The following ZNF534 variants were observed in gnomAD, a reference collection of about 807,000 sequenced individuals.
ZNF534 encodes KRAB domain only 3.
In ZNF534, 19 loss-of-function variants were observed where a neutral mutation model predicts 13.6. The observed-to-expected ratio is 1.40, with a 90% CI of 0.97 to 2.05. The LOEUF is 2.05. Among genes scored for constraint, ZNF534 ranks in the 30% most tolerant of loss-of-function variants. ZNF534 has a pLI of 0.00. For synonymous variants in ZNF534, 244 were observed against 273.8 expected, an observed-to-expected ratio of 0.89 and a Z score of 1.07; for missense variants, 782 against 796.3, an observed-to-expected ratio of 0.98 and a Z score of 0.22.
Position 52,435,084 on chromosome 19 carries a change from T to G in ZNF534, c.146T>G (p.Ile49Ser), listed in dbSNP as rs2059119773. 1 of 1,611,320 alleles carries G rather than the reference T, an allele frequency of 6.2e-7. No individual in the cohort carries two copies. The highest frequency in any genetic ancestry group is 8.5e-7 in the Non-Finnish European group (1 of 1,178,750). The part of the protein sequence containing the change: ...ENYRNLVSLG[I>S]CLPDLSVTSM... ...TATTCTTTCTTTTTGTAAGTAGGAA[T>G]CTGTCTTCCTGACCTGAGTGTTACC... The change falls in exon 4 of 5, where the codon ATC becomes AGC. Residue 49 changes from isoleucine (I) to serine (S), a missense_variant. Physicochemically the swap from Ile to Ser is moderately radical, Grantham distance 142 (BLOSUM62 -2). This residue lies in a region of ZNF534 where 81 missense variants were observed against 63.5 expected (regional missense o/e 1.28). Transcript: ENST00000433050.
At chr19:52,449,072 G>T (rs925116830) in intron 4 of ZNF534, among the ~76,000 whole-genome samples, 2 of 151,992 alleles carry the variant, frequency 1.3e-5, no homozygotes, top group Admixed American at 6.6e-5. Context: ...AACTTTTTTA[G>T]CTCCCACATA....
Position 52,441,620 on chromosome 19 carries a change from C to T in ZNF534, c.*2174C>T, listed in dbSNP as rs992501360. ...AGCCTTACAAATGCAGCGAATGTGA[C>T]AAAGCATTTAGATAATGTTCAGGCT... On this transcript the variant is annotated 3_prime_UTR_variant, in exon 5 of 5. Transcript: ENST00000433050. 6.6e-6 allele frequency among the ~76,000 whole-genome samples: 1 copy of T among 152,172 alleles called. No individual in the cohort carries two copies. The highest frequency in any genetic ancestry group is 2.4e-5 in the African/African-American group (1 of 41,448).
At chr19:52,434,623 C>G (rs375454771) in intron 3 of ZNF534, among the ~76,000 whole-genome samples, 2 of 150,914 alleles carry the variant, frequency 1.3e-5, no homozygotes, top group Non-Finnish European at 2.9e-5. Context: ...CCCAGCTACT[C>G]GGGAGACTGA....
chr19:52,451,255 G>A (rs1283940351), exon 5 of ZNF534: 1 of 836,858 alleles, frequency 1.2e-6, no homozygotes, highest in Non-Finnish European at 2.0e-6. Context: ...CGGAGGTGCT[G>A]AGGAGCCAAC....
At chr19:52,446,202 A>G (rs2059193855), downstream of ZNF534, among the ~76,000 whole-genome samples, 1 of 152,142 alleles carries the variant, frequency 6.6e-6, no homozygotes, top group African/African-American at 2.4e-5. Flanking sequence ...AATAACAGAA[A>G]AAGTCATCCC....
In ZNF534 at chr19:52,438,694, T is replaced by A; in HGVS notation, c.1234T>A (p.Cys412Ser). 1 of 1,581,960 alleles carries A rather than the reference T, an allele frequency of 6.3e-7. No individual in the cohort carries two copies. The highest frequency in any genetic ancestry group is 8.6e-7 in the Non-Finnish European group (1 of 1,163,058). ...KIHTGGRRYK[C>S]NECGKAFRTC... ...TCATACTGGGGGGAGGCGTTACAAA[T>A]GTAATGAATGTGGCAAAGCATTTAG... is the stretch of plus-strand genomic sequence containing the variant. The change falls in exon 5 of 5, where the codon TGT becomes AGT. Residue 412 changes from cysteine (C) to serine (S), a missense_variant. By Grantham distance (112) the Cys-to-Ser change is moderately radical. This residue lies in a region of ZNF534 where 591 missense variants were observed against 574.0 expected (regional missense o/e 1.03). Transcript: ENST00000433050.
chr19:52,433,311 C>G (rs913718580), intron 2 of ZNF534, among the ~76,000 whole-genome samples: 1 of 149,006 alleles, frequency 6.7e-6, no homozygotes, highest in Admixed American at 6.7e-5. Context: ...ACTTGTATCT[C>G]AGGTAGATAC....
Position 52,440,643 on chromosome 19 carries a change from T to G in ZNF534, c.*1197T>G, listed in dbSNP as rs2122707560. On this transcript the variant is annotated 3_prime_UTR_variant, in exon 5 of 5. Coordinates refer to ENST00000433050, the MANE Select transcript of ZNF534 (RefSeq NM_001143938.3). Reference sequence around the variant, plus strand: ...TAAAAATAAAAAAAATAGCTGGGTGTGGTGGTGGGTGTCTGTAATCCCAGC... The same window carrying G: ...TAAAAATAAAAAAAATAGCTGGGTGGGGTGGTGGGTGTCTGTAATCCCAGC... 6.7e-6 allele frequency among the ~76,000 whole-genome samples: 1 copy of G among 149,940 alleles called. No individual in the cohort carries two copies. Among genetic ancestry groups the G allele is most frequent in the South Asian group, 2.1e-4 (1 of 4,676 alleles).
downstream of ZNF534, among the ~76,000 whole-genome samples, chr19:52,445,975 G>A (rs1475468742): frequency 6.6e-6 from 1 of 152,092 alleles, no homozygotes; most frequent in Non-Finnish European, 1.5e-5. Context: ...ACAAAATTTT[G>A]TGACATGAAA....
intron 1 of ZNF534, among the ~76,000 whole-genome samples, chr19:52,429,475 T>A (rs2059072109): frequency 6.9e-6 from 1 of 145,146 alleles, no homozygotes; most frequent in Admixed American, 6.7e-5. Context: ...GGCACTTTGC[T>A]ATTTTTTTTT....
exon 5 of ZNF534, chr19:52,451,267 G>A (rs778432926): frequency 2.2e-6 from 2 of 928,586 alleles, no homozygotes; most frequent in Non-Finnish European, 3.5e-6. Flanking sequence ...GGAGCCAACC[G>A]GCCCAAACTT....
downstream of ZNF534, among the ~76,000 whole-genome samples, chr19:52,445,582 T>C (rs916832765): frequency 6.6e-6 from 1 of 152,194 alleles, no homozygotes; most frequent in Non-Finnish European, 1.5e-5. Flanking sequence ...TGACGGTTTG[T>C]GTTCTTGGCA....
At chr19:52,451,257 G>C (rs1445665485) in exon 5 of ZNF534, 1 of 845,020 alleles carries the variant, frequency 1.2e-6, no homozygotes, top group Non-Finnish European at 2.0e-6. Context: ...GAGGTGCTGA[G>C]GAGCCAACCG....
chr19:52,438,878 A>G lies in ZNF534; in HGVS notation c.1418A>G (p.Lys473Arg), dbSNP rs772999709. 107 of 1,597,058 alleles carry G rather than the reference A, an allele frequency of 6.7e-5. 1 individual carries two copies. The Admixed American group carries it at 1.7e-3, about 25-fold the overall frequency. The change falls in exon 5 of 5, where the codon AAG (lysine) becomes AGG (arginine). Residue 473 changes from lysine (K) to arginine (R), a missense_variant. Physicochemically the swap from Lys to Arg is conservative, Grantham distance 26. Around this residue, in one of 5 missense-constraint regions of ZNF534, gnomAD observed 591 missense variants for 574.0 expected, o/e 1.03. Transcript: ENST00000433050. ...CCTTACAAATGTAACGAATGTGGCA[A>G]GGTCTTCAGTCAGAATTCAAACCTT... Reference protein sequence around the residue: ...EKPYKCNECGKVFSQNSNLQR... With the variant: ...EKPYKCNECGRVFSQNSNLQR...
chr19:52,430,517 C>T (rs1368797158), intron 1 of ZNF534, among the ~76,000 whole-genome samples: 1 of 151,802 alleles, frequency 6.6e-6, no homozygotes, highest in South Asian at 2.1e-4. Context: ...GGCCTGTGCT[C>T]TGCATGAGCT....
downstream of ZNF534, among the ~76,000 whole-genome samples, chr19:52,446,826 C>A (rs2059196201): frequency 6.6e-6 from 1 of 152,162 alleles, no homozygotes; most frequent in African/African-American, 2.4e-5. Flanking sequence ...CCATTGTACT[C>A]CAGACTGGGT....
At chr19:52,442,901 ATTC>A (rs1490488002), downstream of ZNF534, among the ~76,000 whole-genome samples, 7 of 152,214 alleles carry the variant, frequency 4.6e-5, no homozygotes, top group African/African-American at 1.7e-4. Flanking sequence ...AGTCACGCTT[ATTC>A]TTTTCTTGAG....
chr19:52,439,321 C>T lies in ZNF534; in HGVS notation c.1861C>T (p.Leu621Phe). ...CAAGGTCTTCAGTCGGAATTCACGC[C>T]TTGCACAACATAGGAATATTCATAC... ...CSKVFSRNSR[L>F]AQHRNIHTGV... The change falls in exon 5 of 5, where the codon CTT becomes TTT. Residue 621 changes from leucine (L) to phenylalanine (F), a missense_variant. Transcript: ENST00000433050. The T allele has an allele frequency of 6.4e-7, 1 of 1,555,230 alleles. No homozygotes were observed. The highest frequency in any genetic ancestry group is 8.7e-7 in the Non-Finnish European group (1 of 1,149,004).
intron 4 of ZNF534, among the ~76,000 whole-genome samples, chr19:52,436,114 A>G (rs2122683205): frequency 6.6e-6 from 1 of 150,426 alleles, no homozygotes; most frequent in South Asian, 2.1e-4. Context: ...TTTTTTTTGT[A>G]TTTTTAGTAG....
Sources: gnomAD v4.1 joint callset for allele counts (sites outside exome capture counted in the v4.1 genomes callset) on GRCh38, gnomAD v4.1.1 for gene constraint, gnomAD v4.1.1 regional missense constraint, MANE v1.5 for transcripts, NCBI Gene and HGNC (gene_info 2026-07-23, HGNC 2026-07-21) for gene names.